Variants in SYTL2 observed in about 807,000 individuals in gnomAD.
SYTL2 encodes synaptotagmin-like protein 2.
SYTL2 carries 165 observed loss-of-function variants against 198.7 expected under a neutral mutation model. The observed-to-expected ratio is 0.83, with a 90% CI of 0.73 to 0.94. SYTL2 has a LOEUF of 0.94. Ranked by LOEUF, SYTL2 falls within the 40% of genes least tolerant of loss-of-function variation. SYTL2 has a pLI of 0.00. For synonymous variants in SYTL2, 966 were observed against 917.7 expected (o/e 1.05, Z -0.95); for missense variants, 2,835 against 2,582.8 (o/e 1.10, Z -2.12).
chr11:85,786,235 A>G (rs530117110), intron 1 of SYTL2, among the ~76,000 whole-genome samples: 1 of 152,290 alleles, frequency 6.6e-6, no homozygotes, highest in Admixed American at 6.5e-5. Flanking sequence ...AGTGGTTGAT[A>G]GGGGTTAGGG....
intron 12 of SYTL2, among the ~76,000 whole-genome samples, chr11:85,712,693 TATAC>T (rs572040591): frequency 5.3e-4 from 78 of 146,470 alleles, no homozygotes; most frequent in African/African-American, 1.7e-3. Context: ...CGAAAATACA[TATAC>T]ACACACACAC....
intron 2 of SYTL2, among the ~76,000 whole-genome samples, chr11:85,753,146 T>C (rs796714626): frequency 1.3e-5 from 2 of 152,010 alleles, no homozygotes; most frequent in African/African-American, 4.8e-5. Flanking sequence ...GCACAGGAAA[T>C]GCCACCTTTT....
intron 1 of SYTL2, among the ~76,000 whole-genome samples, chr11:85,769,006 G>T (rs1053946273): frequency 1.3e-5 from 2 of 151,778 alleles, no homozygotes; most frequent in Admixed American, 6.6e-5. Flanking sequence ...CTCATTTATT[G>T]AGTAAATGAA....
chr11:85,753,056 A>G (rs1432449552), intron 2 of SYTL2, among the ~76,000 whole-genome samples: 1 of 148,164 alleles, frequency 6.7e-6, no homozygotes, highest in East Asian at 2.1e-4. Context: ...TTGTGTGTAT[A>G]TGGGGGTGGG....
intron 1 of SYTL2, among the ~76,000 whole-genome samples, chr11:85,785,054 G>C (rs1034595875): frequency 1.3e-5 from 2 of 152,080 alleles, no homozygotes; most frequent in Non-Finnish European, 2.9e-5. Context: ...TAGAGAGGGA[G>C]AAGTGGGAGG....
Position 85,706,655 on chromosome 11 carries a change from G to A in SYTL2, c.6018+774C>T, listed in dbSNP as rs570552034. Among the ~76,000 whole-genome samples, 4 of 152,302 alleles carry A rather than the reference G, an allele frequency of 2.6e-5. No individual in the cohort carries two copies. The South Asian group carries it at 6.2e-4, about 24-fold the overall frequency. ...AGGGTGACTGGAACAAAGACTATGA[G>A]AGAGGAAAGTTGAGGCTGGAGTTCA... On this transcript the variant is annotated intron_variant, in intron 15 of 19. Transcript: ENST00000359152.
the SYTL2 span, among the ~76,000 whole-genome samples, chr11:85,826,055 C>G: frequency 6.6e-6 from 1 of 152,182 alleles, no homozygotes; most frequent in Non-Finnish European, 1.5e-5. Flanking sequence ...GAGGCTGAGG[C>G]TGCTAGTCTA....
At chr11:85,718,595 C>T (rs2087749092) in intron 10 of SYTL2, 195 bp downstream of exon 10, 3 of 591,922 alleles carry the variant, frequency 5.1e-6, no homozygotes, top group Admixed American at 6.1e-5. Flanking sequence ...GACAGTATCA[C>T]CAGAAGAAGC....
At chr11:85,802,770 A>G (rs1400216719) in intron 1 of SYTL2, among the ~76,000 whole-genome samples, 1 of 152,238 alleles carries the variant, frequency 6.6e-6, no homozygotes. Context: ...TTATTACCCC[A>G]TCTTGTGAGA....
the SYTL2 span, chr11:85,853,268 T>C: frequency 1.1e-5 from 5 of 436,174 alleles, no homozygotes; most frequent in Admixed American, 2.5e-5. Flanking sequence ...TTGCCGTGTC[T>C]TGAGTAGAAA....
At chr11:85,769,936 C>T (rs2092323018) in intron 1 of SYTL2, among the ~76,000 whole-genome samples, 1 of 152,140 alleles carries the variant, frequency 6.6e-6, no homozygotes, top group African/African-American at 2.4e-5. Context: ...CACCCTTCCC[C>T]TAACAACCTC....
chr11:85,757,118 C>G (rs1180786604), intron 2 of SYTL2, among the ~76,000 whole-genome samples: 2 of 152,186 alleles, frequency 1.3e-5, no homozygotes, highest in Non-Finnish European at 2.9e-5. Flanking sequence ...TTATGGGACC[C>G]AAGACAAATG....
chr11:85,826,244 G>A, the SYTL2 span, among the ~76,000 whole-genome samples: 1 of 152,216 alleles, frequency 6.6e-6, no homozygotes, highest in Non-Finnish European at 1.5e-5. Context: ...ATGCACAGGA[G>A]GACTGAGGAG....
At position 85,724,102 on chromosome 11, in the gene SYTL2, TTC is replaced by T; in HGVS notation, c.5254_5255del (p.Glu1752ArgfsTer4). 6.3e-7 allele frequency: 1 copy of T among 1,583,206 alleles called. No homozygotes were observed. Among genetic ancestry groups the T allele is most frequent in the Non-Finnish European group, 8.5e-7 (1 of 1,171,226 alleles). On this transcript the variant is annotated frameshift_variant, in exon 8 of 20. Transcript: ENST00000359152. LOFTEE classifies it high-confidence loss of function. The part of the protein sequence containing the change: ...YMKQEKEEEK[E>X]GFSESDFSDG... The stretch of plus-strand genomic sequence containing the variant: ...CTGAAAAATCAGACTCAGAGAAACC[TTC>T]TTTTTCTTCCTCTTTCTCTTGTTTC...
At chr11:85,751,402 T>C (rs2091501836) in intron 2 of SYTL2, among the ~76,000 whole-genome samples, 2 of 152,212 alleles carry the variant, frequency 1.3e-5, no homozygotes, top group African/African-American at 2.4e-5. Flanking sequence ...TTCTGAACTC[T>C]AATTACATCA....
chr11:85,809,689 G>C (rs908907807), intron 1 of SYTL2, among the ~76,000 whole-genome samples: 2 of 152,188 alleles, frequency 1.3e-5, no homozygotes, highest in East Asian at 3.8e-4. Context: ...GGCTTTGTGA[G>C]AATTAAGGAT....
chr11:85,704,939 C>G lies in SYTL2; in HGVS notation c.6108G>C (p.Gly2036=). The G allele has an allele frequency of 1.2e-6, 2 of 1,613,590 alleles. No individual in the cohort carries two copies. The highest frequency in any genetic ancestry group is 1.7e-6 in the Non-Finnish European group (2 of 1,179,614). The stretch of plus-strand genomic sequence containing the variant: ...ATGTTTCCAAATCAAGTTCCACCTC[C>G]CCTAGGAAACTATTGCGCTTAAATG... ...RDTFKRNSFL[G]EVELDLETWD... Residue 2036 remains glycine (G), a synonymous_variant, in exon 16 of 20, where the codon GGG becomes GGC. Transcript: ENST00000359152.
the SYTL2 span, among the ~76,000 whole-genome samples, chr11:85,819,835 T>C: frequency 6.6e-6 from 1 of 152,236 alleles, no homozygotes; most frequent in Admixed American, 6.5e-5. Flanking sequence ...CTTGTATTTC[T>C]GCATATGTAA....
rs1329839838 is a variant in SYTL2, at chr11:85,724,864, A to G, written c.4494T>C (p.Ser1498=). The G allele has an allele frequency of 6.2e-7, 1 of 1,613,978 alleles. No homozygotes were observed. The highest frequency in any genetic ancestry group is 1.3e-5 in the African/African-American group (1 of 74,900). ...VQPKSEFLEF[S]AGLEKLLKEE... ...CCTTCAGTAGTTTTTCTAAGCCAGCACTGAATTCGAGGAACTCTGATTTGG... is the reference window on the plus strand; with the variant it reads ...CCTTCAGTAGTTTTTCTAAGCCAGCGCTGAATTCGAGGAACTCTGATTTGG... The change falls in exon 8 of 20, where the codon AGT becomes AGC. Residue 1498 remains serine (S), a synonymous_variant. Transcript: ENST00000359152.
Sources: allele counts gnomAD v4.1 joint callset (sites outside exome capture counted in the v4.1 genomes callset), GRCh38; gene constraint gnomAD v4.1.1; transcripts MANE v1.5; gene names NCBI Gene and HGNC (gene_info 2026-07-23, HGNC 2026-07-21).